Variants in DMD observed in about 807,000 individuals in gnomAD.
DMD encodes the protein mutant dystrophin.
A neutral mutation model predicts 330.1 loss-of-function variants in DMD; 63 were observed. The ratio of observed to expected loss-of-function variants is 0.19; its 90% CI spans 0.16 to 0.24. The LOEUF is 0.24. Ranked by LOEUF, DMD falls within the 10% of genes least tolerant of loss-of-function variation. The pLI is 1.00. For synonymous variants in DMD, 1,223 were observed against 959.8 expected (o/e 1.27, Z -5.07); for missense variants, 3,344 against 2,684.1 (o/e 1.25, Z -5.43).
chrX:31,823,013 T>TAA (rs35167180), intron 49 of DMD, among the ~76,000 whole-genome samples: 1 of 108,059 alleles, frequency 9.3e-6, no homozygotes, highest in African/African-American at 3.4e-5. Flanking sequence ...CCACCCTATC[T>TAA]AAAAAAATCA....
At chrX:32,864,011 C>T (rs953084007) in intron 2 of DMD, among the ~76,000 whole-genome samples, 4 of 112,477 alleles carry the variant, frequency 3.6e-5, no homozygotes, top group African/African-American at 1.3e-4. Context: ...TCAAAAGTCA[C>T]AGAGGATAAA....
intron 2 of DMD, among the ~76,000 whole-genome samples, chrX:32,968,994 C>T (rs1205728454): frequency 1.1e-5 from 1 of 88,955 alleles, no homozygotes; most frequent in Non-Finnish European, 2.2e-5. Context: ...TGCCACTGCC[C>T]TCCAGCCTGG....
At chrX:32,021,997 T>C (rs182448462) in intron 44 of DMD, among the ~76,000 whole-genome samples, 11 of 112,261 alleles carry the variant, frequency 9.8e-5, no homozygotes, top group Non-Finnish European at 2.1e-4. Context: ...CTAAATACAA[T>C]ATAAACCAGT....
At chrX:31,635,625 T>G (rs1312468588) in intron 54 of DMD, among the ~76,000 whole-genome samples, 1 of 111,925 alleles carries the variant, frequency 8.9e-6, no homozygotes, top group Non-Finnish European at 1.9e-5. Flanking sequence ...AATAAACTTA[T>G]AGTAGAGTCC....
chrX:31,796,455 T>C (rs2091836146), intron 50 of DMD, among the ~76,000 whole-genome samples: 1 of 112,182 alleles, frequency 8.9e-6, no homozygotes, highest in Admixed American at 9.4e-5. Context: ...GAATAGATTT[T>C]CAGAAAATAA....
chrX:31,211,904 T>A (rs73617058), intron 64 of DMD, among the ~76,000 whole-genome samples: 18,423 of 110,783 alleles, frequency 0.17, 1,158 homozygotes, highest in Admixed American at 0.21. Flanking sequence ...TTTGAAAAAA[T>A]TTCCATTTAG....
Position 31,880,564 on chromosome X carries a change from T to A in DMD, c.6913-5191A>T, listed in dbSNP as rs932071386. On this transcript the variant is annotated intron_variant, in intron 47 of 78. Transcript: ENST00000357033. ...CAGCAATGTTATACTATTATTTATC[T>A]ATTATATTAGTTTCTGTAAAAGGTC... 2.7e-5 allele frequency among the ~76,000 whole-genome samples: 3 copies of A among 112,508 alleles called. No homozygotes were observed. In the East Asian group the frequency reaches 8.3e-4, roughly 31 times the overall value.
chrX:31,893,273 G>A (rs1246144743), intron 47 of DMD, among the ~76,000 whole-genome samples: 1 of 111,680 alleles, frequency 9.0e-6, no homozygotes, highest in Non-Finnish European at 1.9e-5. Context: ...GGTGTCCCCA[G>A]TGTGTTTCCT....
chrX:31,197,776 A>T (rs1438552502), intron 67 of DMD, among the ~76,000 whole-genome samples: 4 of 111,733 alleles, frequency 3.6e-5, no homozygotes, highest in Non-Finnish European at 7.5e-5. Context: ...CCACAAAAAG[A>T]TATCTGCACT....
rs959396288 is a variant in DMD at position 32,627,405 on chromosome X, A to G, written c.1332-12952T>C. Among the ~76,000 whole-genome samples the G allele has an allele frequency of 1.1e-4, 12 of 105,114 alleles. 3 individuals carry two copies. The highest frequency in any genetic ancestry group is 4.8e-4 in the African/African-American group (12 of 24,778). The allele number at this position is 105,114 out of a possible 115,157, so 91.3% of individuals were successfully genotyped here. On this transcript the variant is annotated intron_variant, in intron 11 of 78. Coordinates refer to ENST00000357033, the MANE Select transcript of DMD (RefSeq NM_004006.3). ...TTACAAATAAAAAAGAAGACTTACT[A>G]AAGAGTAATTTTGATCTTGTAGAAT...
At chrX:32,447,398 G>T (rs1180564690) in intron 27 of DMD, among the ~76,000 whole-genome samples, 1 of 109,978 alleles carries the variant, frequency 9.1e-6, no homozygotes, top group Non-Finnish European at 1.9e-5. Flanking sequence ...TAAAAGAAAA[G>T]AATAAGGATG....
chrX:31,990,938 C>A, intron 44 of DMD, among the ~76,000 whole-genome samples: 1 of 111,853 alleles, frequency 8.9e-6, no homozygotes, highest in Non-Finnish European at 1.9e-5. Flanking sequence ...GATGAATTTC[C>A]AAATTGATTA....
intron 52 of DMD, among the ~76,000 whole-genome samples, chrX:31,725,473 T>A (rs1464890316): frequency 8.9e-6 from 1 of 111,773 alleles, no homozygotes; most frequent in African/African-American, 3.3e-5. Flanking sequence ...CCCCAATAGA[T>A]TATAATTAAA....
chrX:32,206,294 A>G (rs1021572631), intron 44 of DMD: 5 of 547,761 alleles, frequency 9.1e-6, no homozygotes, highest in African/African-American at 2.3e-5. Flanking sequence ...TGAAACTCAT[A>G]AGTATATCTG....
In DMD at chrX:31,293,163, G is replaced by GGTGTGTGTGTGTGTGTGT. The variant is rs762778210; in HGVS notation, c.9224+30417_9224+30434dup. Among the ~76,000 whole-genome samples, 92 of 70,547 alleles carry GGTGTGTGTGTGTGTGTGT rather than the reference G, an allele frequency of 1.3e-3. 3 individuals are homozygous for GGTGTGTGTGTGTGTGTGT. Among genetic ancestry groups the GGTGTGTGTGTGTGTGTGT allele is most frequent in the East Asian group, 0.013 (34 of 2,651 alleles). 61.3% of individuals were successfully genotyped at this position (70,547 alleles called of 115,157 possible). ...CTCTCTCTCACCACTCCCCCAACCC[G>GGTGTGTGTGTGTGTGTGT]GTGTGTGTGTGTGTGTGTGTGTGTG... On this transcript the variant is annotated intron_variant, in intron 62 of 78. Transcript: ENST00000357033.
chrX:31,517,419 G>A (rs983581786), intron 55 of DMD, among the ~76,000 whole-genome samples: 1 of 111,888 alleles, frequency 8.9e-6, no homozygotes, highest in African/African-American at 3.3e-5. Flanking sequence ...CTACAGGCAG[G>A]AGCTAAGAGG....
intron 50 of DMD, among the ~76,000 whole-genome samples, chrX:31,797,315 T>G (rs1177530977): frequency 9.2e-6 from 1 of 108,988 alleles, no homozygotes; most frequent in Non-Finnish European, 1.9e-5. Context: ...CAGAGATCAC[T>G]GAAAAACCAA....
chrX:32,148,595 C>A (rs2096789745), intron 44 of DMD, among the ~76,000 whole-genome samples: 1 of 107,099 alleles, frequency 9.3e-6, no homozygotes, highest in Admixed American at 9.9e-5. Context: ...AATATCTCCC[C>A]TTTGATTAAA....
At chrX:32,619,760 C>T (rs1382499387) in intron 11 of DMD, among the ~76,000 whole-genome samples, 1 of 110,872 alleles carries the variant, frequency 9.0e-6, no homozygotes, top group Admixed American at 9.6e-5. Context: ...TGTGAAGGGT[C>T]GGGGGAAAAA....
Sources: allele counts gnomAD v4.1 joint callset (sites outside exome capture counted in the v4.1 genomes callset), GRCh38; gene constraint gnomAD v4.1.1; transcripts MANE v1.5; gene names NCBI Gene and HGNC (gene_info 2026-07-23, HGNC 2026-07-21).